The following LRP1B variants were observed in gnomAD, a reference collection of about 807,000 sequenced individuals.
LRP1B encodes low-density lipoprotein receptor-related protein 1B.
In LRP1B, 217 loss-of-function variants were observed where a neutral mutation model predicts 556.6. The observed-to-expected ratio is 0.39, with a 90% CI of 0.35 to 0.44. The LOEUF is 0.44. Ranked by LOEUF, LRP1B falls within the 20% of genes least tolerant of loss-of-function variation. LRP1B has a pLI of 1.00. For synonymous variants in LRP1B, 2,047 were observed against 1,865.8 expected (o/e 1.10, Z -2.50); for missense variants, 5,053 against 5,620.8 (o/e 0.90, Z 3.23).
chr2:141,771,694 TTGAAAGTGGGGAC>T (rs370469439), intron 2 of LRP1B, among the ~76,000 whole-genome samples: 17 of 152,298 alleles, frequency 1.1e-4, no homozygotes, highest in African/African-American at 4.1e-4. Context: ...GTAATGGTAT[TTGAAAGTGGGGAC>T]TATAGAAGAT....
chr2:140,748,092 AATATATATATATATATATATATATAT>A (rs757456196), intron 35 of LRP1B, among the ~76,000 whole-genome samples: 1 of 6,950 alleles, frequency 1.4e-4, no homozygotes, highest in African/African-American at 5.3e-4. Context: ...AAGTCCTATG[AATATATATATATATATATATATATAT>A]ATATATATAT....
intron 41 of LRP1B, among the ~76,000 whole-genome samples, chr2:140,615,190 A>C (rs1256724579): frequency 1.3e-5 from 2 of 152,104 alleles, no homozygotes; most frequent in African/African-American, 2.4e-5. Context: ...CTGATGGACC[A>C]GCTGGTGCCA....
rs1525579 is a variant in LRP1B, at chr2:141,059,052, A to G, written c.1239T>C (p.Val413=). The G allele has an allele frequency of 0.99, 1,508,536 of 1,522,440 alleles. 748,505 individuals are homozygous for G. Among genetic ancestry groups the G allele is most frequent in the East Asian group, 1 (41,524 of 41,524 alleles). 94.3% of individuals were successfully genotyped at this position (1,522,440 alleles called of 1,614,324 possible). The change falls in exon 9 of 91, where the codon GTT becomes GTC. Residue 413 remains valine (V), a splice_region_variant and synonymous_variant. Coordinates refer to ENST00000389484, the MANE Select transcript of LRP1B (RefSeq NM_018557.3). ...ACACAGTTATACCATAAAGATGTCTAACCTATAAAGAGGGCAAAACATAAC... is the reference window on the plus strand; with the variant it reads ...ACACAGTTATACCATAAAGATGTCTGACCTATAAAGAGGGCAAAACATAAC... The part of the protein sequence containing the change: ...NRHTVIQGRQ[V]RHLYGITVFE...
At chr2:140,774,382 C>T (rs994908469) in intron 33 of LRP1B, among the ~76,000 whole-genome samples, 1 of 152,114 alleles carries the variant, frequency 6.6e-6, no homozygotes, top group Non-Finnish European at 1.5e-5. Flanking sequence ...ATCTTGTTAA[C>T]AGGAGTAAAG....
At chr2:140,529,433 G>GC (rs1553481408) in intron 47 of LRP1B, among the ~76,000 whole-genome samples, 9 of 105,384 alleles carry the variant, frequency 8.5e-5, no homozygotes, top group East Asian at 4.2e-4. Context: ...AAGCTGAAAA[G>GC]GGGGGGGGGA....
At chr2:141,000,141 A>G (rs1336515967) in intron 15 of LRP1B, among the ~76,000 whole-genome samples, 2 of 151,736 alleles carry the variant, frequency 1.3e-5, no homozygotes, top group African/African-American at 2.4e-5. Context: ...CTGGTCTTGA[A>G]CGCCTGGATT....
chr2:140,430,743 C>A (rs979790952), intron 66 of LRP1B, among the ~76,000 whole-genome samples: 2 of 152,182 alleles, frequency 1.3e-5, no homozygotes, highest in Non-Finnish European at 2.9e-5. Flanking sequence ...AGGTTACAAG[C>A]CGCTAGCCCG....
At chr2:140,731,764 C>CAAAAAAAAAAAAA (rs36060787) in intron 35 of LRP1B, among the ~76,000 whole-genome samples, 2 of 59,400 alleles carry the variant, frequency 3.4e-5, no homozygotes, top group African/African-American at 1.2e-4. Context: ...GAGACTCCGT[C>CAAAAAAAAAAAAA]AAAAAAAAAA....
At chr2:140,749,152 G>T (rs72925887) in intron 35 of LRP1B, among the ~76,000 whole-genome samples, 73,483 of 151,516 alleles carry the variant, frequency 0.48, 19,026 homozygotes, top group Non-Finnish European at 0.59. Context: ...GATTAAAAAT[G>T]GTACACATAT....
chr2:140,551,847 G>A (rs7559877), intron 43 of LRP1B, among the ~76,000 whole-genome samples: 70,090 of 151,930 alleles, frequency 0.46, 16,614 homozygotes, highest in East Asian at 0.58. Flanking sequence ...ATCCTTTTTA[G>A]TTATCAGTAA....
chr2:140,707,562 A>G lies in LRP1B; in HGVS notation c.6024-5009T>C, dbSNP rs542188499. ...AAAATTCATACAAACTGAATACTCTATAAGTCAACATGTCCATGGCTACAT... is the reference window on the plus strand; with the variant it reads ...AAAATTCATACAAACTGAATACTCTGTAAGTCAACATGTCCATGGCTACAT... On this transcript the variant is annotated intron_variant, in intron 37 of 90. Coordinates refer to ENST00000389484, the MANE Select transcript of LRP1B (RefSeq NM_018557.3). Among the ~76,000 whole-genome samples the G allele has an allele frequency of 3.3e-5, 5 of 152,256 alleles. No homozygotes were observed. The South Asian group carries it at 8.3e-4, about 25-fold the overall frequency.
chr2:142,061,364 A>G (rs1704902532), intron 1 of LRP1B, among the ~76,000 whole-genome samples: 1 of 152,028 alleles, frequency 6.6e-6, no homozygotes, highest in African/African-American at 2.4e-5. Flanking sequence ...ATTAAATAGG[A>G]GACCTTTCAA....
At chr2:141,572,380 T>A (rs1686560873) in intron 2 of LRP1B, among the ~76,000 whole-genome samples, 2 of 152,192 alleles carry the variant, frequency 1.3e-5, no homozygotes, top group South Asian at 4.2e-4. Flanking sequence ...AAACAAAAGC[T>A]GAGGGATTTT....
intron 2 of LRP1B, among the ~76,000 whole-genome samples, chr2:141,599,066 C>CCCCCCCG (rs1687638824): frequency 3.3e-4 from 26 of 78,760 alleles, no homozygotes; most frequent in South Asian, 6.4e-4. Context: ...CCCCCCCCCC[C>CCCCCCCG]CCCCCCCCGC....
chr2:140,296,652 C>T (rs1055966390), intron 84 of LRP1B, among the ~76,000 whole-genome samples: 2 of 151,926 alleles, frequency 1.3e-5, no homozygotes, highest in African/African-American at 4.8e-5. Context: ...TACCCCAACA[C>T]AGGCTAGAGG....
intron 35 of LRP1B, among the ~76,000 whole-genome samples, chr2:140,757,580 G>A (rs78757934): frequency 0.019 from 2,881 of 152,302 alleles, 80 homozygotes; most frequent in Admixed American, 0.074. Context: ...CAGTAGGCTA[G>A]TCTGTAGAGA....
intron 27 of LRP1B, among the ~76,000 whole-genome samples, chr2:140,864,589 C>T (rs1010006005): frequency 6.6e-6 from 1 of 152,008 alleles, no homozygotes; most frequent in African/African-American, 2.4e-5. Flanking sequence ...AATCCCAGAT[C>T]TCATTATCCA....
chr2:141,309,383 A>G lies in LRP1B; in HGVS notation c.344-54742T>C, dbSNP rs80236129. On this transcript the variant is annotated intron_variant, in intron 3 of 90. Transcript: ENST00000389484. ...GTGAACGGAAAAGAGATTGAAGTGGATATGTTTGATGCTATGGTCTGAATA... is the reference window on the plus strand; with the variant it reads ...GTGAACGGAAAAGAGATTGAAGTGGGTATGTTTGATGCTATGGTCTGAATA... Among the ~76,000 whole-genome samples, 67 of 152,316 alleles carry G rather than the reference A, an allele frequency of 4.4e-4. 1 individual carries two copies. The East Asian group carries it at 0.013, about 29-fold the overall frequency.
intron 66 of LRP1B, among the ~76,000 whole-genome samples, chr2:140,416,254 C>A (rs925468521): frequency 2.0e-4 from 31 of 152,000 alleles, no homozygotes; most frequent in African/African-American, 7.5e-4. Context: ...TAATCTAATG[C>A]CTGATGATTT....
Sources: gnomAD v4.1 joint callset for allele counts (sites outside exome capture counted in the v4.1 genomes callset) on GRCh38, gnomAD v4.1.1 for gene constraint, MANE v1.5 for transcripts, NCBI Gene and HGNC (gene_info 2026-07-23, HGNC 2026-07-21) for gene names.